Variants in SYNE1 observed in about 807,000 individuals in gnomAD.
SYNE1 encodes spectrin repeat containing nuclear envelope protein 1.
In SYNE1, 616 loss-of-function variants were observed where a neutral mutation model predicts 1,111.0. The observed-to-expected ratio is 0.55, with a 90% CI of 0.52 to 0.59. The LOEUF (loss-of-function observed/expected upper bound fraction) is 0.59, where lower values mean the gene tolerates loss of function less well. Among genes scored for constraint, SYNE1 ranks in the 20% least tolerant of loss-of-function variants. The probability of loss-of-function intolerance (pLI) is 0.00; values close to 1 mark genes in which losing one functional copy is unlikely to be tolerated. For synonymous variants in SYNE1, 3,855 were observed against 3,825.8 expected, an observed-to-expected ratio of 1.01 and a Z score of -0.28; for missense variants, 10,006 against 10,417.0, an observed-to-expected ratio of 0.96 and a Z score of 1.72.
intron 130 of SYNE1, among the ~76,000 whole-genome samples, chr6:152,172,558 T>C (rs1319856095): frequency 2.0e-5 from 3 of 152,202 alleles, no homozygotes; most frequent in Non-Finnish European, 2.9e-5. Flanking sequence ...TGAGAAATGT[T>C]ACTAATTCGT....
chr6:152,309,873 G>A lies in SYNE1; in HGVS notation c.17164C>T (p.Leu5722=). The change falls in exon 90 of 146, where the codon CTG becomes TTG. Residue 5722 remains leucine (L), a synonymous_variant. Coordinates refer to ENST00000367255, the MANE Select transcript of SYNE1 (RefSeq NM_182961.4). ...ALRLQEEASR[L]QHTAIQQCNI... is the part of the protein sequence containing the mutation. Reference sequence around the variant, plus strand: ...CACTGCTGGATGGCGGTGTGCTGCAGCCGGCTGGCCTCTTCCTGCAGCCGC... The same window carrying A: ...CACTGCTGGATGGCGGTGTGCTGCAACCGGCTGGCCTCTTCCTGCAGCCGC... 1 of 1,614,044 alleles carries A rather than the reference G, an allele frequency of 6.2e-7. No individual in the cohort carries two copies. The highest frequency in any genetic ancestry group is 8.5e-7 in the Non-Finnish European group (1 of 1,180,042).
Position 152,269,233 on chromosome 6 carries a change from G to T in SYNE1, c.18627C>A (p.Ser6209Arg). The T allele has an allele frequency of 1.2e-6, 2 of 1,614,182 alleles. No homozygotes were observed. The highest frequency in any genetic ancestry group is 1.7e-6 in the Non-Finnish European group (2 of 1,180,050). The change falls in exon 99 of 146, where the codon AGC (serine) becomes AGA (arginine). Residue 6209 changes from serine (S) to arginine (R), a missense_variant. Ser to Arg is a moderately radical substitution (Grantham distance 110, BLOSUM62 -1). Transcript: ENST00000367255. ...GGGCCAGCCATTCCTGGACGCCGGG[G>T]CTCTGCGTGGCTGTTAGGTCAACAT... is the stretch of plus-strand genomic sequence containing the variant. ...ESDVDLTATQ[S>R]PGVQEWLAQA...
chr6:152,231,510 C>G lies in SYNE1; in HGVS notation c.20920G>C (p.Val6974Leu). ...QLTVDFVNQSVLQISSQDVES... is the reference protein window; with the variant it reads ...QLTVDFVNQSLLQISSQDVES... Reference sequence around the variant, plus strand: ...ACATCCTGACTGCTGATTTGTAGCACGGACTGGTTCACAAAATCCACTGTC... The same window carrying G: ...ACATCCTGACTGCTGATTTGTAGCAGGGACTGGTTCACAAAATCCACTGTC... Residue 6974 changes from valine to leucine, a missense_variant, in exon 114 of 146, where the codon GTG becomes CTG. By Grantham distance (32) the Val-to-Leu change is conservative. Around this residue, in one of 7 missense-constraint regions of SYNE1, gnomAD observed 2,182 missense variants for 2,287.8 expected, o/e 0.95. Transcript: ENST00000367255. 1 of 1,614,034 alleles carries G rather than the reference C, an allele frequency of 6.2e-7. No individual in the cohort carries two copies. Among genetic ancestry groups the G allele is most frequent in the Non-Finnish European group, 8.5e-7 (1 of 1,180,018 alleles).
intron 105 of SYNE1, 147 bp from the exon 106 acceptor site, chr6:152,244,803 C>T (rs985148989): frequency 3.6e-5 from 41 of 1,138,868 alleles, no homozygotes; most frequent in Admixed American, 5.6e-5. Flanking sequence ...TAAAACAAAT[C>T]GAAAGCCATG....
intron 101 of SYNE1, among the ~76,000 whole-genome samples, chr6:152,257,176 C>T (rs777519228): frequency 3.3e-5 from 5 of 152,138 alleles, no homozygotes; most frequent in Non-Finnish European, 7.3e-5. Context: ...ACATTACACA[C>T]TGTATACATG....
rs2097594978 is a variant in SYNE1, at chr6:152,390,545, A to T, written c.8005-93T>A. 7.0e-6 allele frequency: 9 copies of T among 1,284,764 alleles called. No individual in the cohort carries two copies. In the South Asian group the frequency reaches 1.1e-4, roughly 16 times the overall value. 79.6% of individuals were successfully genotyped at this position (1,284,764 alleles called of 1,614,324 possible). A position where few individuals can be genotyped will look rare whatever the true frequency, so the allele number is the denominator to read the frequency against. On this transcript the variant is annotated intron_variant, in intron 52 of 145. Transcript: ENST00000367255. ...AGTTTTCCATAAGAATTGAAGTAGG[A>T]ATACTTTACTTACCTTAAAATGAAA...
chr6:152,369,364 C>T, intron 60 of SYNE1, 107 bp downstream of exon 60: 7 of 1,536,510 alleles, frequency 4.6e-6, no homozygotes, highest in Non-Finnish European at 6.3e-6. Flanking sequence ...CACTATGTCT[C>T]ACGGCAGCAC....
At position 152,321,742 on chromosome 6, in the gene SYNE1, ATCTATT is replaced by A. The variant is rs1487695655; in HGVS notation, c.16056_16061del (p.Glu5352_Ile5353del). 2.5e-6 allele frequency: 4 copies of A among 1,614,060 alleles called. 1 individual carries two copies. The East Asian group carries it at 6.7e-5, about 27-fold the overall frequency. ...GTACCTGAAGTTCTTCAAGTTGAGCATCTATTTCTATTGTTGGATTCCCTAAATATT... is the reference window on the plus strand; with the variant it reads ...GTACCTGAAGTTCTTCAAGTTGAGCATCTATTGTTGGATTCCCTAAATATT... On this transcript the variant is annotated inframe_deletion, in exon 83 of 146. Coordinates refer to ENST00000367255, the MANE Select transcript of SYNE1 (RefSeq NM_182961.4).
intron 4 of SYNE1, among the ~76,000 whole-genome samples, chr6:152,528,150 G>A (rs1361463732): frequency 6.6e-6 from 1 of 151,980 alleles, no homozygotes; most frequent in East Asian, 1.9e-4. Context: ...TCCTAACCAT[G>A]GCCATTCACC....
intron 3 of SYNE1, among the ~76,000 whole-genome samples, chr6:152,540,226 C>T (rs1248635337): frequency 2.0e-5 from 3 of 152,120 alleles, no homozygotes; most frequent in Non-Finnish European, 4.4e-5. Flanking sequence ...TCTGCAAATG[C>T]TTTAAAATTT....
chr6:152,488,609 A>T, intron 11 of SYNE1, 106 bp from the exon 12 acceptor site: 1 of 683,984 alleles, frequency 1.5e-6, no homozygotes, highest in Non-Finnish European at 2.5e-6. Flanking sequence ...AGTAAGTCCC[A>T]ACTGTCTCTG....
At chr6:152,287,829 G>A (rs2094413583) in intron 95 of SYNE1, among the ~76,000 whole-genome samples, 5 of 152,198 alleles carry the variant, frequency 3.3e-5, no homozygotes, top group Admixed American at 2.6e-4. Context: ...TTACAGGCAT[G>A]AGCCACCGCA....
intron 38 of SYNE1, among the ~76,000 whole-genome samples, chr6:152,426,108 C>T (rs1055476626): frequency 2.2e-4 from 33 of 152,134 alleles, no homozygotes; most frequent in African/African-American, 7.5e-4. Flanking sequence ...AATCAGTCAA[C>T]GAATCTCTTA....
At chr6:152,261,959 C>A (rs1260424140) in intron 101 of SYNE1, 73 bp downstream of exon 101, 1 of 1,258,696 alleles carries the variant, frequency 7.9e-7, no homozygotes, top group Non-Finnish European at 1.1e-6. Context: ...AAGTTGATTG[C>A]ACAGTTATAA....
intron 98 of SYNE1, among the ~76,000 whole-genome samples, chr6:152,270,132 T>G (rs1278114225): frequency 3.9e-5 from 6 of 152,206 alleles, no homozygotes; most frequent in Non-Finnish European, 7.3e-5. Flanking sequence ...TAGATTTAAA[T>G]TATTCCTAGA....
chr6:152,510,487 C>T, intron 7 of SYNE1, 116 bp from the exon 8 acceptor site: 3 of 1,222,986 alleles, frequency 2.5e-6, no homozygotes, highest in Non-Finnish European at 3.5e-6. Flanking sequence ...ACATTCCTGA[C>T]AAAATGCAAG....
intron 95 of SYNE1, 94 bp from the exon 96 acceptor site, chr6:152,284,266 G>A (rs1025762515): frequency 8.2e-5 from 106 of 1,290,218 alleles, no homozygotes; most frequent in East Asian, 2.2e-4. Flanking sequence ...TGGGATTAGC[G>A]GAAGAGATTT....
rs1462308045 is a variant in SYNE1, at chr6:152,326,532, T to C, written c.15057A>G (p.Ala5019=). The C allele has an allele frequency of 1.2e-6, 2 of 1,614,092 alleles. No homozygotes were observed. Among genetic ancestry groups the C allele is most frequent in the Non-Finnish European group, 1.7e-6 (2 of 1,180,046 alleles). The change falls in exon 79 of 146, where the codon GCA becomes GCG. Residue 5019 remains alanine (A), a synonymous_variant. Coordinates refer to ENST00000367255, the MANE Select transcript of SYNE1 (RefSeq NM_182961.4). Reference sequence around the variant, plus strand: ...CGCTCTCCACGTCTAGGCCATTGCCTGCCAGCTGTAACAATTCTTGGGCAT... The same window carrying C: ...CGCTCTCCACGTCTAGGCCATTGCCCGCCAGCTGTAACAATTCTTGGGCAT... The part of the protein sequence containing the change: ...LEDAQELLQL[A]GNGLDVESAE...
At chr6:152,305,986 T>A (rs1472521503) in intron 91 of SYNE1, among the ~76,000 whole-genome samples, 1 of 152,198 alleles carries the variant, frequency 6.6e-6, no homozygotes, top group African/African-American at 2.4e-5. Context: ...GGGGACTCAT[T>A]TATTTTCCTG....
Sources: allele counts gnomAD v4.1 joint callset (sites outside exome capture counted in the v4.1 genomes callset), GRCh38; gene constraint gnomAD v4.1.1; regional missense constraint gnomAD v4.1.1; transcripts MANE v1.5; gene names NCBI Gene and HGNC (gene_info 2026-07-23, HGNC 2026-07-21).